The following RNF150 variants were observed in gnomAD, a reference collection of about 807,000 sequenced individuals.
RNF150 encodes the protein ring finger protein 150.
In RNF150, 24 loss-of-function variants were observed where a neutral mutation model predicts 39.3. The ratio of observed to expected loss-of-function variants is 0.61; its 90% CI spans 0.44 to 0.86. The LOEUF is 0.86. Among genes scored for constraint, RNF150 ranks in the 40% least tolerant of loss-of-function variants. The pLI, the probability that RNF150 is intolerant of heterozygous loss-of-function variation, is 0.00. For synonymous variants in RNF150, 255 were observed against 227.3 expected, an observed-to-expected ratio of 1.12 and a Z score of -1.10; for missense variants, 502 against 587.8, an observed-to-expected ratio of 0.85 and a Z score of 1.51.
At chr4:141,060,308 G>C (rs1737163577) in intron 1 of RNF150, among the ~76,000 whole-genome samples, 1 of 152,130 alleles carries the variant, frequency 6.6e-6, no homozygotes, top group Admixed American at 6.5e-5. Context: ...AGGCGTAGTA[G>C]CATGCATTTG....
chr4:141,116,328 C>T (rs1371845157), intron 1 of RNF150, among the ~76,000 whole-genome samples: 1 of 152,070 alleles, frequency 6.6e-6, no homozygotes, highest in Non-Finnish European at 1.5e-5. Flanking sequence ...AAAAAGTGGG[C>T]AAAGGATATG....
At chr4:141,088,193 T>C (rs1261838964) in intron 1 of RNF150, among the ~76,000 whole-genome samples, 1 of 152,218 alleles carries the variant, frequency 6.6e-6, no homozygotes, top group Admixed American at 6.5e-5. Flanking sequence ...ATAACGTGCC[T>C]ACCACATAGC....
chr4:141,173,544 G>T lies in RNF150; in HGVS notation c.-6+39250C>A, dbSNP rs772603244. Among the ~76,000 whole-genome samples the T allele has an allele frequency of 2.6e-4, 40 of 152,230 alleles. 1 individual carries two copies. The highest frequency in any genetic ancestry group is 8.7e-4 in the African/African-American group (36 of 41,542). On this transcript the variant is annotated intron_variant, in intron 1 of 7. Coordinates refer to the RNF150 transcript ENST00000420921. Reference sequence around the variant, plus strand: ...CCTAAGTTGACATAATTGGTAAATGGCTGTCAGGATCTTCTGGCTCTATTG... The same window carrying T: ...CCTAAGTTGACATAATTGGTAAATGTCTGTCAGGATCTTCTGGCTCTATTG...
intron 1 of RNF150, among the ~76,000 whole-genome samples, chr4:141,023,698 A>G (rs1056605670): frequency 2.0e-4 from 31 of 152,142 alleles, no homozygotes; most frequent in African/African-American, 7.0e-4. Context: ...CTTTCAATGC[A>G]TCATCCACAT....
intron 1 of RNF150, among the ~76,000 whole-genome samples, chr4:141,027,964 G>T (rs1735787208): frequency 9.5e-6 from 1 of 104,936 alleles, no homozygotes; most frequent in Non-Finnish European, 1.8e-5. Context: ...AATCCTGCTG[G>T]ATCAAGATGT....
intron 5 of RNF150, among the ~76,000 whole-genome samples, chr4:140,920,264 G>C (rs1197114446): frequency 6.9e-6 from 1 of 145,960 alleles, no homozygotes; most frequent in Non-Finnish European, 1.5e-5. Flanking sequence ...TACAAAATGG[G>C]AGAAAATTTT....
At position 141,027,912 on chromosome 4, in the gene RNF150, G is replaced by GTTTTTTGTTTTTTTT. The variant is rs1560696593; in HGVS notation, c.485-60040_485-60039insAAAAAAAACAAAAAA. Among the ~76,000 whole-genome samples the GTTTTTTGTTTTTTTT allele has an allele frequency of 1.1e-3, 30 of 27,102 alleles. 2 individuals carry two copies. The highest frequency in any genetic ancestry group is 1.5e-3 in the Admixed American group (3 of 2,040). The allele number at this position is 27,102 out of a possible 152,430, so 17.8% of individuals were successfully genotyped here. A position where few individuals can be genotyped will look rare whatever the true frequency, so the allele number is the denominator to read the frequency against. On this transcript the variant is annotated intron_variant, in intron 1 of 6. Coordinates refer to ENST00000515673, the MANE Select transcript of RNF150 (RefSeq NM_020724.2). ...TAGATAGTTAATGAGCTTGGAATTTGTTTTTTTTTTTTTGTTTTTTTTTTT... is the reference window on the plus strand; with the variant it reads ...TAGATAGTTAATGAGCTTGGAATTTGTTTTTTGTTTTTTTTTTTTTTTTTTTTTGTTTTTTTTTTT...
intron 1 of RNF150, among the ~76,000 whole-genome samples, chr4:141,000,945 A>G (rs1442124685): frequency 1.3e-5 from 2 of 152,242 alleles, no homozygotes. Context: ...AATTTTGAAT[A>G]GAATGGCTCA....
chr4:140,980,540 AG>A (rs910096223), intron 1 of RNF150, among the ~76,000 whole-genome samples: 1 of 152,116 alleles, frequency 6.6e-6, no homozygotes, highest in African/African-American at 2.4e-5. Flanking sequence ...CTTGAATTAT[AG>A]TTCCCATAGT....
In RNF150 at chr4:141,132,850, TCCGTC is replaced by T. The variant is rs1726942126; in HGVS notation, c.-47_-43del. 1 of 1,519,136 alleles carries T rather than the reference TCCGTC, an allele frequency of 6.6e-7. No individual in the cohort carries two copies. The highest frequency in any genetic ancestry group is 9.0e-7 in the Non-Finnish European group (1 of 1,106,566). 94.1% of individuals were successfully genotyped at this position (1,519,136 alleles called of 1,614,324 possible). A position where few individuals can be genotyped will look rare whatever the true frequency, so the allele number is the denominator to read the frequency against. ...CCCCTCCCCGCCCCCGCGCCCTCCC[TCCGTC>T]CCGTCCCTCCTCCCCAGCCCCGGCC... is the stretch of plus-strand genomic sequence containing the variant. On this transcript the variant is annotated 5_prime_UTR_variant, in exon 1 of 7. Transcript: ENST00000515673. The surrounding 1 kb of genome is among the most constrained non-coding windows in gnomAD (Gnocchi z 4.9).
intron 1 of RNF150, among the ~76,000 whole-genome samples, chr4:141,107,240 G>A (rs893404300): frequency 1.3e-5 from 2 of 152,176 alleles, no homozygotes; most frequent in African/African-American, 4.8e-5. Flanking sequence ...GTGAATTCTA[G>A]TGCTACCTAT....
At chr4:141,071,873 T>C (rs954542220) in intron 1 of RNF150, among the ~76,000 whole-genome samples, 3 of 152,196 alleles carry the variant, frequency 2.0e-5, no homozygotes, top group African/African-American at 7.2e-5. Context: ...GCTGGCATTG[T>C]CAAGTCCTGG....
chr4:141,142,353 A>G (rs534652304), intron 1 of RNF150, among the ~76,000 whole-genome samples: 1 of 152,134 alleles, frequency 6.6e-6, no homozygotes. Flanking sequence ...CTTCTCAGGA[A>G]CTTAGTCCTT....
chr4:140,934,151 T>C (rs1243787672), intron 4 of RNF150, among the ~76,000 whole-genome samples: 2 of 152,124 alleles, frequency 1.3e-5, no homozygotes, highest in African/African-American at 4.8e-5. Flanking sequence ...GCTGGGACTA[T>C]AGGCACATAC....
rs70946712 is a variant in RNF150, at chr4:140,927,650, CTT to C, written c.891-1579_891-1578del. On this transcript the variant is annotated intron_variant, in intron 4 of 6. Transcript: ENST00000515673. ...AATTAAACCTCTTGTTTTTTTGTTT[CTT>C]TTTTTTTTTTTTTTGAGATGGAGTT... Among the ~76,000 whole-genome samples the C allele has an allele frequency of 9.4e-3, 1,189 of 126,836 alleles. 14 individuals carry two copies. The highest frequency in any genetic ancestry group is 0.025 in the African/African-American group (852 of 34,170). 83.2% of individuals were successfully genotyped at this position (126,836 alleles called of 152,430 possible).
intron 1 of RNF150, among the ~76,000 whole-genome samples, chr4:141,009,276 C>T (rs1036357057): frequency 6.6e-6 from 1 of 152,162 alleles, no homozygotes; most frequent in African/African-American, 2.4e-5. Flanking sequence ...TGTCCAGCAA[C>T]ACTGGAGAAG....
chr4:141,185,209 C>T (rs1727982826), intron 1 of RNF150, among the ~76,000 whole-genome samples: 1 of 152,058 alleles, frequency 6.6e-6, no homozygotes, highest in Non-Finnish European at 1.5e-5. Flanking sequence ...TTTCCTTGAG[C>T]AGTGGTTTGC....
At chr4:141,098,020 G>A (rs1326650919) in intron 1 of RNF150, among the ~76,000 whole-genome samples, 1 of 152,048 alleles carries the variant, frequency 6.6e-6, no homozygotes, top group Non-Finnish European at 1.5e-5. Context: ...GATGGGGTGG[G>A]AGGAATCATA....
intron 1 of RNF150, among the ~76,000 whole-genome samples, chr4:141,182,863 G>C (rs948933650): frequency 7.0e-6 from 1 of 143,652 alleles, no homozygotes; most frequent in East Asian, 2.1e-4. Context: ...AAAAGAGCCC[G>C]CATCGCCAAG....
Sources: gnomAD v4.1 joint callset for allele counts (sites outside exome capture counted in the v4.1 genomes callset) on GRCh38, gnomAD v4.1.1 for gene constraint, Gnocchi (gnomAD v3.1) non-coding constraint, MANE v1.5 for transcripts, NCBI Gene and HGNC (gene_info 2026-07-23, HGNC 2026-07-21) for gene names.